The following HACD2 variants were observed in gnomAD, a reference collection of about 807,000 sequenced individuals.
HACD2 encodes 3-hydroxyacyl-CoA dehydratase 2, also known as very-long-chain (3R)-3-hydroxyacyl-CoA dehydratase 2.
In HACD2, 15 loss-of-function variants were observed where a neutral mutation model predicts 31.0. The observed-to-expected ratio is 0.48, with a 90% CI of 0.32 to 0.75. The LOEUF is 0.75. Ranked by LOEUF, HACD2 falls within the 30% of genes least tolerant of loss-of-function variation. HACD2 has a pLI of 0.03. For missense variants in HACD2, 283 were observed against 313.0 expected, an observed-to-expected ratio of 0.90 and a Z score of 0.72; for synonymous variants, 115 against 122.2, an observed-to-expected ratio of 0.94 and a Z score of 0.39.
intron 3 of HACD2, among the ~76,000 whole-genome samples, chr3:123,541,729 G>C (rs2056492766): frequency 6.6e-6 from 1 of 152,190 alleles, no homozygotes; most frequent in African/African-American, 2.4e-5. Flanking sequence ...AAATTGGTAT[G>C]TACGTTTAAC....
In HACD2 at chr3:123,584,822, G is replaced by A. The variant is rs576055548; in HGVS notation, c.155+51C>T. The A allele has an allele frequency of 2.2e-4, 304 of 1,386,798 alleles. 1 individual carries two copies. In the African/African-American group the frequency reaches 4.0e-3, roughly 18 times the overall value. 85.9% of individuals were successfully genotyped at this position (1,386,798 alleles called of 1,614,324 possible). A position where few individuals can be genotyped will look rare whatever the true frequency, so the allele number is the denominator to read the frequency against. Reference sequence around the variant, plus strand: ...TATCCGCCCCGCCGCTGGCCGCAGGGCTCCCTCCCCGGCCGCGCTGGCTCC... The same window carrying A: ...TATCCGCCCCGCCGCTGGCCGCAGGACTCCCTCCCCGGCCGCGCTGGCTCC... On this transcript the variant is annotated intron_variant, in intron 1 of 6. Transcript: ENST00000383657.
intron 4 of HACD2, among the ~76,000 whole-genome samples, chr3:123,527,167 T>C (rs1372732729): frequency 6.6e-6 from 1 of 152,216 alleles, no homozygotes; most frequent in East Asian, 1.9e-4. Flanking sequence ...TTGGAGACTA[T>C]TGGAAGATAA....
At chr3:123,568,085 T>G (rs922277943) in intron 2 of HACD2, among the ~76,000 whole-genome samples, 3 of 152,080 alleles carry the variant, frequency 2.0e-5, no homozygotes, top group Non-Finnish European at 1.5e-5. Flanking sequence ...TGCACAAACT[T>G]GTAAGAGCAA....
intron 2 of HACD2, among the ~76,000 whole-genome samples, chr3:123,569,754 G>A (rs978181607): frequency 1.3e-5 from 2 of 151,958 alleles, no homozygotes; most frequent in Non-Finnish European, 2.9e-5. Context: ...TTGGGAGGCC[G>A]AGGCAGGCGG....
intron 4 of HACD2, among the ~76,000 whole-genome samples, chr3:123,512,022 T>C (rs1027874773): frequency 1.3e-5 from 2 of 152,144 alleles, no homozygotes; most frequent in African/African-American, 4.8e-5. Flanking sequence ...CATGAGGCCC[T>C]CACCAGATGC....
intron 5 of HACD2, among the ~76,000 whole-genome samples, chr3:123,501,142 A>G (rs2055897488): frequency 6.6e-6 from 1 of 152,054 alleles, no homozygotes; most frequent in Non-Finnish European, 1.5e-5. Flanking sequence ...AACAACAAAA[A>G]AAATAGCATA....
chr3:123,549,226 A>G (rs1327948034), intron 3 of HACD2, among the ~76,000 whole-genome samples: 1 of 152,096 alleles, frequency 6.6e-6, no homozygotes, highest in Non-Finnish European at 1.5e-5. Context: ...CCAAAAATCT[A>G]TAAGAACAAG....
At chr3:123,530,907 GC>G (rs1178420068) in intron 3 of HACD2, among the ~76,000 whole-genome samples, 2 of 151,740 alleles carry the variant, frequency 1.3e-5, no homozygotes, top group African/African-American at 2.4e-5. Flanking sequence ...CACTCCTGTC[GC>G]CCAGGCTGGA....
chr3:123,524,806 G>A (rs2056258896), intron 4 of HACD2, among the ~76,000 whole-genome samples: 1 of 152,038 alleles, frequency 6.6e-6, no homozygotes, highest in Non-Finnish European at 1.5e-5. Context: ...TTTTTAAAGG[G>A]TGAGAAGGTG....
At chr3:123,555,179 A>G (rs544634937) in intron 3 of HACD2, among the ~76,000 whole-genome samples, 1 of 152,328 alleles carries the variant, frequency 6.6e-6, no homozygotes, top group African/African-American at 2.4e-5. Flanking sequence ...GCTAGGAATA[A>G]TTTTATCTTA....
chr3:123,531,431 TGC>T (rs1327604359), intron 3 of HACD2, among the ~76,000 whole-genome samples: 2 of 152,124 alleles, frequency 1.3e-5, no homozygotes, highest in Admixed American at 6.6e-5. Flanking sequence ...GTGATTCTTG[TGC>T]CTCAGCCTCC....
chr3:123,524,834 G>A (rs936300644), intron 4 of HACD2, among the ~76,000 whole-genome samples: 1 of 152,110 alleles, frequency 6.6e-6, no homozygotes, highest in Non-Finnish European at 1.5e-5. Flanking sequence ...TGATGCAGCA[G>A]AAAGACCCTG....
At chr3:123,526,094 A>G (rs2056280036) in intron 4 of HACD2, among the ~76,000 whole-genome samples, 2 of 151,432 alleles carry the variant, frequency 1.3e-5, no homozygotes, top group Non-Finnish European at 1.5e-5. Context: ...AAGGTGACAT[A>G]TAGCAAGCAC....
chr3:123,554,248 T>C (rs1286950241), intron 3 of HACD2, among the ~76,000 whole-genome samples: 2 of 90,108 alleles, frequency 2.2e-5, no homozygotes, highest in Admixed American at 1.1e-4. Context: ...TGGCAATAGG[T>C]GGGAGTTAAA....
intron 5 of HACD2, among the ~76,000 whole-genome samples, chr3:123,500,962 T>C (rs1023531706): frequency 6.6e-6 from 1 of 152,136 alleles, no homozygotes; most frequent in Non-Finnish European, 1.5e-5. Flanking sequence ...CTCTTCAAAA[T>C]TATGCTCTAA....
At position 123,494,525 on chromosome 3, in the gene HACD2, G is replaced by T; in HGVS notation, c.*363C>A. ...GCAAGCTGGGCTATTCAGCTGGTAC[G>T]ACTTCATTATTCAGACTGTAACTCT... is the stretch of plus-strand genomic sequence containing the variant. On this transcript the variant is annotated 3_prime_UTR_variant, in exon 7 of 7. Transcript: ENST00000383657. 3.6e-6 allele frequency: 1 copy of T among 275,526 alleles called. No homozygotes were observed. Among genetic ancestry groups the T allele is most frequent in the Non-Finnish European group, 6.8e-6 (1 of 147,026 alleles). The allele number at this position is 275,526 out of a possible 1,614,324, so 17.1% of individuals were successfully genotyped here.
At chr3:123,568,373 G>A (rs549116528) in intron 2 of HACD2, among the ~76,000 whole-genome samples, 4 of 152,174 alleles carry the variant, frequency 2.6e-5, no homozygotes, top group African/African-American at 4.8e-5. Context: ...CCACAGCAGC[G>A]GCTCAAACAC....
intron 3 of HACD2, among the ~76,000 whole-genome samples, chr3:123,558,577 T>C (rs930152309): frequency 6.6e-6 from 1 of 151,940 alleles, no homozygotes; most frequent in African/African-American, 2.4e-5. Flanking sequence ...TCTAAAAAAA[T>C]AGCATATTTT....
intron 4 of HACD2, among the ~76,000 whole-genome samples, chr3:123,510,540 C>T (rs750977075): frequency 1.1e-4 from 17 of 152,142 alleles, no homozygotes; most frequent in Non-Finnish European, 2.2e-4. Context: ...GAGCCACCAC[C>T]GTGCCTGGCC....
Sources: gnomAD v4.1 joint callset for allele counts (sites outside exome capture counted in the v4.1 genomes callset) on GRCh38, gnomAD v4.1.1 for gene constraint, MANE v1.5 for transcripts, NCBI Gene and HGNC (gene_info 2026-07-23, HGNC 2026-07-21) for gene names.